IQCM: variants seen among roughly 807,000 people sequenced by gnomAD.
IQCM encodes IQ domain-containing protein M.
A neutral mutation model predicts 57.6 loss-of-function variants in IQCM; 45 were observed. That is an observed-to-expected ratio of 0.78 (90% CI 0.62 to 1.00). The LOEUF (loss-of-function observed/expected upper bound fraction) is 1.00. Ranked by LOEUF, IQCM falls within the 50% of genes least tolerant of loss-of-function variation. The pLI, the probability that IQCM is intolerant of heterozygous loss-of-function variation, is 0.00. For missense variants in IQCM, 468 were observed against 511.6 expected (o/e 0.91, Z 0.82); for synonymous variants, 148 against 158.9 (o/e 0.93, Z 0.51).
chr4:149,588,023 C>T, intron 8 of IQCM, 26 bp from the exon 9 acceptor site: 1 of 1,079,066 alleles, frequency 9.3e-7, no homozygotes. Context: ...GAAGAGTTGA[C>T]ATAAGTAGAA....
intron 13 of IQCM, among the ~76,000 whole-genome samples, chr4:149,390,726 T>C (rs192663763): frequency 8.5e-5 from 13 of 152,058 alleles, no homozygotes; most frequent in African/African-American, 2.9e-4. Context: ...TTAATTGACT[T>C]TCAGAAGTTA....
At chr4:149,593,625 T>C (rs1205389167) in intron 8 of IQCM, among the ~76,000 whole-genome samples, 3 of 152,160 alleles carry the variant, frequency 2.0e-5, no homozygotes, top group East Asian at 3.9e-4. Flanking sequence ...TTTTGAGATA[T>C]GTCCCATCAA....
chr4:149,566,191 C>T (rs1750615052), intron 9 of IQCM, among the ~76,000 whole-genome samples: 1 of 152,104 alleles, frequency 6.6e-6, no homozygotes, highest in Non-Finnish European at 1.5e-5. Flanking sequence ...TTACTTCTGG[C>T]TTGTCCGTAG....
intron 5 of IQCM, among the ~76,000 whole-genome samples, chr4:149,696,429 T>A (rs544497010): frequency 5.3e-5 from 8 of 152,148 alleles, no homozygotes; most frequent in Non-Finnish European, 1.0e-4. Flanking sequence ...GCCTGTGTCT[T>A]AAGCCAGCCT....
chr4:149,376,974 G>A (rs924216064), intron 13 of IQCM, among the ~76,000 whole-genome samples: 1 of 151,834 alleles, frequency 6.6e-6, no homozygotes, highest in Admixed American at 6.6e-5. Flanking sequence ...ACTCATACTG[G>A]GTTATGTCAA....
Position 149,682,107 on chromosome 4 carries a change from A to G in IQCM, c.565+11T>C. 1 of 1,125,388 alleles carries G rather than the reference A, an allele frequency of 8.9e-7. No individual in the cohort carries two copies. Among genetic ancestry groups the G allele is most frequent in the Non-Finnish European group, 1.1e-6 (1 of 891,384 alleles). The allele number at this position is 1,125,388 out of a possible 1,614,324, so 69.7% of individuals were successfully genotyped here. On this transcript the variant is annotated intron_variant, in intron 7 of 13. Coordinates refer to ENST00000636793, the MANE Select transcript of IQCM (RefSeq NM_001363507.2). The stretch of plus-strand genomic sequence containing the variant: ...AATGTGCTGCTACCAACATTTATGT[A>G]TAAGACTCACCAGGTTCTTTCAGAA...
At chr4:149,656,236 T>C (rs1205540350) in intron 7 of IQCM, among the ~76,000 whole-genome samples, 1 of 152,038 alleles carries the variant, frequency 6.6e-6, no homozygotes, top group East Asian at 1.9e-4. Flanking sequence ...ATTATTTTAT[T>C]ATAAACATCT....
intron 2 of IQCM, among the ~76,000 whole-genome samples, chr4:149,750,891 T>C (rs1286416466): frequency 6.6e-6 from 1 of 152,220 alleles, no homozygotes; most frequent in Non-Finnish European, 1.5e-5. Flanking sequence ...TATGCTGTGC[T>C]TAGAAATAGT....
chr4:149,599,917 T>C (rs114029553), intron 8 of IQCM, among the ~76,000 whole-genome samples: 2,602 of 152,288 alleles, frequency 0.017, 78 homozygotes, highest in African/African-American at 0.06. Flanking sequence ...ATTTCCATTT[T>C]ATAATTTGGG....
chr4:149,482,097 G>T (rs1366355529), intron 12 of IQCM, among the ~76,000 whole-genome samples: 2 of 151,760 alleles, frequency 1.3e-5, no homozygotes, highest in African/African-American at 4.8e-5. Context: ...TTGACATATA[G>T]AAATGCTACT....
At chr4:149,493,836 T>G (rs1579253813) in intron 12 of IQCM, among the ~76,000 whole-genome samples, 1 of 146,732 alleles carries the variant, frequency 6.8e-6, no homozygotes, top group Admixed American at 6.8e-5. Flanking sequence ...AAAAAATAGG[T>G]GGGTGCGAGT....
At chr4:149,687,633 A>G (rs1321506734) in intron 5 of IQCM, among the ~76,000 whole-genome samples, 2 of 151,782 alleles carry the variant, frequency 1.3e-5, no homozygotes. Context: ...CAAAACCAGG[A>G]AAGGACATAA....
chr4:149,717,457 C>T (rs1765097285), intron 5 of IQCM, among the ~76,000 whole-genome samples: 2 of 152,210 alleles, frequency 1.3e-5, no homozygotes, highest in South Asian at 2.1e-4. Context: ...CTTTGTTTTT[C>T]CCTTTATAGC....
rs1484217174 is a variant in IQCM at position 149,387,526 on chromosome 4, T to A, written c.1391-35460A>T. ...TTTTCTAATTCTATCAATTCTCTCATATTTATTTGCTGGAATTTCTTTTCA... is the reference window on the plus strand; with the variant it reads ...TTTTCTAATTCTATCAATTCTCTCAAATTTATTTGCTGGAATTTCTTTTCA... On this transcript the variant is annotated intron_variant, in intron 13 of 13. Transcript: ENST00000636793. Among the ~76,000 whole-genome samples the A allele has an allele frequency of 5.9e-5, 9 of 152,070 alleles. 1 individual carries two copies. The East Asian group carries it at 1.7e-3, about 29-fold the overall frequency.
At position 149,615,511 on chromosome 4, in the gene IQCM, T is replaced by C. The variant is rs574385826; in HGVS notation, c.681+5618A>G. On this transcript the variant is annotated intron_variant, in intron 8 of 13. Coordinates refer to ENST00000636793, the MANE Select transcript of IQCM (RefSeq NM_001363507.2). ...ATTAAAGTAACTGGAAATTCTAATA[T>C]AATTCTAATACAATAAACATGTGGT... is the stretch of plus-strand genomic sequence containing the variant. 9.2e-5 allele frequency among the ~76,000 whole-genome samples: 14 copies of C among 152,288 alleles called. No homozygotes were observed. In the East Asian group the frequency reaches 2.7e-3, roughly 29 times the overall value.
chr4:149,404,413 GAA>G (rs1732835220), intron 13 of IQCM, among the ~76,000 whole-genome samples: 1 of 152,048 alleles, frequency 6.6e-6, no homozygotes, highest in South Asian at 2.1e-4. Flanking sequence ...GAAACTCACA[GAA>G]AAGTTTCTGG....
chr4:149,527,828 A>C (rs1476377602), intron 12 of IQCM, among the ~76,000 whole-genome samples: 1 of 152,160 alleles, frequency 6.6e-6, no homozygotes, highest in Non-Finnish European at 1.5e-5. Context: ...ATGAAGAAAA[A>C]AGTGATTTTC....
At chr4:149,683,767 C>G (rs1762363901) in intron 6 of IQCM, among the ~76,000 whole-genome samples, 1 of 151,236 alleles carries the variant, frequency 6.6e-6, no homozygotes, top group South Asian at 2.1e-4. Context: ...ATGAAAGATT[C>G]TAATGGAAGT....
chr4:149,533,798 G>T (rs1746998320), intron 12 of IQCM, among the ~76,000 whole-genome samples: 1 of 152,006 alleles, frequency 6.6e-6, no homozygotes, highest in Non-Finnish European at 1.5e-5. Flanking sequence ...ATCACATGTG[G>T]GGATTATGGG....
Sources: gnomAD v4.1 joint callset for allele counts (sites outside exome capture counted in the v4.1 genomes callset) on GRCh38, gnomAD v4.1.1 for gene constraint, MANE v1.5 for transcripts, NCBI Gene and HGNC (gene_info 2026-07-23, HGNC 2026-07-21) for gene names.